LACC1: variants seen among roughly 807,000 people sequenced by gnomAD.
LACC1 encodes the protein laccase domain multifunctional purine nucleosidase 1.
A neutral mutation model predicts 34.8 loss-of-function variants in LACC1; 25 were observed. That is an observed-to-expected ratio of 0.72 (90% CI 0.52 to 1.00). LACC1 has a LOEUF of 1.00. Ranked by LOEUF, LACC1 falls within the 50% of genes least tolerant of loss-of-function variation. The pLI, the probability that LACC1 is intolerant of heterozygous loss-of-function variation, is 0.00. For missense variants in LACC1, 426 were observed against 511.2 expected (o/e 0.83, Z 1.61); for synonymous variants, 162 against 168.0 (o/e 0.96, Z 0.28).
At position 43,890,113 on chromosome 13, in the gene LACC1, G is replaced by A; in HGVS notation, c.1134-1G>A. 1 of 1,599,802 alleles carries A rather than the reference G, an allele frequency of 6.3e-7. No individual in the cohort carries two copies. ...CTCTTTTGAAAAATATTTTTCCTAAGGATTCTTCTAGAACAGGGAGGAATT... is the reference window on the plus strand; with the variant it reads ...CTCTTTTGAAAAATATTTTTCCTAAAGATTCTTCTAGAACAGGGAGGAATT... On this transcript the variant is annotated splice_acceptor_variant, in intron 5 of 6. Transcript: ENST00000325686. LOFTEE classifies it high-confidence loss of function.
chr13:43,886,441 A>T (rs1036507381), intron 4 of LACC1, among the ~76,000 whole-genome samples: 1 of 152,178 alleles, frequency 6.6e-6, no homozygotes, highest in Non-Finnish European at 1.5e-5. Flanking sequence ...AAAGAATGAA[A>T]TCATATCCTT....
At position 43,882,317 on chromosome 13, in the gene LACC1, T is replaced by G; in HGVS notation, c.695T>G (p.Leu232Trp). 2 of 1,613,880 alleles carry G rather than the reference T, an allele frequency of 1.2e-6. No individual in the cohort carries two copies. The highest frequency in any genetic ancestry group is 1.7e-6 in the Non-Finnish European group (2 of 1,179,906). Residue 232 changes from leucine to tryptophan, a missense_variant, in exon 3 of 7, where the codon TTG (leucine) becomes TGG (tryptophan). Physicochemically the swap from Leu to Trp is moderately conservative, Grantham distance 61. This residue lies in a region of LACC1 where 209 missense variants were observed against 300.3 expected (regional missense o/e 0.70). Transcript: ENST00000325686. ...KVVVQENLRR[L>W]ANAAGFNVEK... ...GTGGTTCAAGAAAATCTGCGTAGGT[T>G]GGCGAATGCTGCAGGATTTAATGTG...
At chr13:43,883,705 C>T (rs899503116) in intron 3 of LACC1, 66 bp from the exon 4 acceptor site, 59 of 1,251,942 alleles carry the variant, frequency 4.7e-5, no homozygotes, top group Middle Eastern at 2.0e-4. Context: ...TGAGTACCTT[C>T]GAGAAAGCTT....
chr13:43,883,626 C>T, intron 3 of LACC1, 145 bp from the exon 4 acceptor site: 3 of 470,848 alleles, frequency 6.4e-6, no homozygotes, highest in South Asian at 8.5e-5. Context: ...TGTGTTTTCC[C>T]ATATATAAAA....
intron 4 of LACC1, among the ~76,000 whole-genome samples, chr13:43,886,056 A>G (rs1955306346): frequency 1.3e-5 from 2 of 152,222 alleles, no homozygotes; most frequent in South Asian, 4.1e-4. Context: ...ACAATGAGAT[A>G]CCATTTCATA....
At chr13:43,882,809 A>G (rs781477180) in intron 3 of LACC1, among the ~76,000 whole-genome samples, 8 of 152,208 alleles carry the variant, frequency 5.3e-5, no homozygotes, top group Non-Finnish European at 8.8e-5. Flanking sequence ...TGAGCTAGAC[A>G]TATATTTACA....
At chr13:43,890,892 GAGCAA>G (rs1955541764) in intron 6 of LACC1, among the ~76,000 whole-genome samples, 1 of 152,222 alleles carries the variant, frequency 6.6e-6, no homozygotes, top group Non-Finnish European at 1.5e-5. Flanking sequence ...TGTAGAGGTA[GAGCAA>G]CAAGAGATAC....
intron 4 of LACC1, among the ~76,000 whole-genome samples, chr13:43,887,172 A>T (rs1443035641): frequency 6.6e-6 from 1 of 152,152 alleles, no homozygotes; most frequent in South Asian, 2.1e-4. Flanking sequence ...TTGATATCCT[A>T]CCCACTTACA....
At chr13:43,881,951 A>G (rs1955085865) in intron 2 of LACC1, among the ~76,000 whole-genome samples, 1 of 152,238 alleles carries the variant, frequency 6.6e-6, no homozygotes, top group South Asian at 2.1e-4. Context: ...GCTATATGCT[A>G]TTAGATATAA....
At chr13:43,890,355 C>T in intron 6 of LACC1, 81 bp downstream of exon 6, 2 of 1,150,250 alleles carry the variant, frequency 1.7e-6, no homozygotes, top group Admixed American at 2.7e-5. Context: ...TCTCTTTCTT[C>T]CTCTTTTAGC....
In LACC1 at chr13:43,882,564, G is replaced by GATATATATATATATATAT. The variant is rs56292789; in HGVS notation, c.741+206_741+223dup. On this transcript the variant is annotated intron_variant, in intron 3 of 6. Coordinates refer to ENST00000325686, the MANE Select transcript of LACC1 (RefSeq NM_153218.4). ...TTATACACACACACACACACGTGCA[G>GATATATATATATATATAT]ATATATATATATATATATATATGCA... 2.4e-3 allele frequency among the ~76,000 whole-genome samples: 335 copies of GATATATATATATATATAT among 139,100 alleles called. 2 individuals carry two copies. The highest frequency in any genetic ancestry group is 0.015 in the South Asian group (58 of 3,956). 91.3% of individuals were successfully genotyped at this position (139,100 alleles called of 152,430 possible). A position where few individuals can be genotyped will look rare whatever the true frequency, so the allele number is the denominator to read the frequency against.
Position 43,881,219 on chromosome 13 carries a change from T to G in LACC1, c.234T>G (p.Ile78Met). ...CAGCTCTCTTGGAAGAATTTGAGAT[T>G]GTTAGCTGTCCCAGCATGGCTGCCA... Reference protein sequence around the residue: ...GLSALLEEFEIVSCPSMAATL... With the variant: ...GLSALLEEFEMVSCPSMAATL... Residue 78 changes from isoleucine (I) to methionine (M), a missense_variant, in exon 2 of 7, where the codon ATT (isoleucine) becomes ATG (methionine). Transcript: ENST00000325686. 2 of 1,614,144 alleles carry G rather than the reference T, an allele frequency of 1.2e-6. No individual in the cohort carries two copies. Among genetic ancestry groups the G allele is most frequent in the Non-Finnish European group, 1.7e-6 (2 of 1,180,008 alleles).
In LACC1 at chr13:43,880,061, C is replaced by T. The variant is rs1462360696; in HGVS notation, c.-93C>T. The T allele has an allele frequency of 6.6e-6, 1 of 152,300 alleles. No homozygotes were observed. Among genetic ancestry groups the T allele is most frequent in the Non-Finnish European group, 1.5e-5 (1 of 68,272 alleles). 9.4% of individuals were successfully genotyped at this position (152,300 alleles called of 1,614,324 possible). Reference sequence around the variant, plus strand: ...GAAGTCCCGAATGGGCTGTGAGCCGCCGGTGGAGGTGCCCGGGCAGGTGCA... The same window carrying T: ...GAAGTCCCGAATGGGCTGTGAGCCGTCGGTGGAGGTGCCCGGGCAGGTGCA... On this transcript the variant is annotated 5_prime_UTR_variant, in exon 1 of 7. Coordinates refer to ENST00000325686, the MANE Select transcript of LACC1 (RefSeq NM_153218.4).
At chr13:43,879,296 C>T (rs1954789607), upstream of LACC1, 1 of 153,580 alleles carries the variant, frequency 6.5e-6, no homozygotes, top group Non-Finnish European at 1.4e-5. Context: ...ACCTGCAGCT[C>T]CTGCCGCCCT....
chr13:43,891,412 G>C (rs1955564698), intron 6 of LACC1, 37 bp from the exon 7 acceptor site: 1 of 953,394 alleles, frequency 1.0e-6, no homozygotes, highest in African/African-American at 1.8e-5. Context: ...AATAACACCA[G>C]TAAGCGTCTC....
At chr13:43,886,645 C>G (rs369524688) in intron 4 of LACC1, among the ~76,000 whole-genome samples, 1 of 152,024 alleles carries the variant, frequency 6.6e-6, no homozygotes, top group Admixed American at 6.6e-5. Flanking sequence ...ACTGTCTGTT[C>G]GGTACTATGT....
upstream of LACC1, chr13:43,879,886 A>G: frequency 6.6e-6 from 1 of 150,954 alleles, no homozygotes; most frequent in East Asian, 1.9e-4. Flanking sequence ...ACTCCAGCTG[A>G]CCCGCTCGCG....
upstream of LACC1, chr13:43,879,785 G>GGGCGAGGCGGGGCGAGGCGGGGCGA (rs1954857470): frequency 8.9e-6 from 1 of 112,612 alleles, no homozygotes; most frequent in African/African-American, 2.8e-5. Flanking sequence ...AGGTGAGGCG[G>GGGCGAGGCGGGGCGAGGCGGGGCGA]GGCGAGGCGG....
intron 4 of LACC1, among the ~76,000 whole-genome samples, chr13:43,885,645 A>G (rs1955283547): frequency 6.6e-6 from 1 of 152,226 alleles, no homozygotes; most frequent in Non-Finnish European, 1.5e-5. Context: ...GCCTAAAACT[A>G]TTAAAACCCT....
Sources: gnomAD v4.1 joint callset for allele counts (sites outside exome capture counted in the v4.1 genomes callset) on GRCh38, gnomAD v4.1.1 for gene constraint, gnomAD v4.1.1 regional missense constraint, MANE v1.5 for transcripts, NCBI Gene and HGNC (gene_info 2026-07-23, HGNC 2026-07-21) for gene names.